Variants in SLC11A2 observed in about 807,000 individuals in gnomAD.
The protein encoded by SLC11A2 is solute carrier family 11 member 2.
Under a neutral mutation model 68.0 loss-of-function variants are expected in SLC11A2, and 38 were observed. The ratio of observed to expected loss-of-function variants is 0.56; its 90% CI spans 0.43 to 0.73. SLC11A2 has a LOEUF of 0.73. Ranked by LOEUF, SLC11A2 falls within the 30% of genes least tolerant of loss-of-function variation. The pLI, the probability that SLC11A2 is intolerant of heterozygous loss-of-function variation, is 0.00. For synonymous variants in SLC11A2, 242 were observed against 250.6 expected (o/e 0.97, Z 0.32); for missense variants, 517 against 690.5 (o/e 0.75, Z 2.82).
downstream of SLC11A2, among the ~76,000 whole-genome samples, chr12:50,975,437 A>C (rs1446860248): frequency 6.6e-6 from 1 of 152,200 alleles, no homozygotes; most frequent in African/African-American, 2.4e-5. Context: ...GTTCTTTGAA[A>C]CCAATGAGAA....
downstream of SLC11A2, chr12:50,981,598 A>T (rs773580150): frequency 4.4e-6 from 3 of 689,524 alleles, no homozygotes; most frequent in Non-Finnish European, 7.8e-6. Flanking sequence ...TCCCATGAGG[A>T]AATCTTTGCC....
In SLC11A2 at chr12:50,988,420, T is replaced by C. The variant is rs961100535; in HGVS notation, c.1591A>G (p.Ile531Val). 6.2e-7 allele frequency: 1 copy of C among 1,614,004 alleles called. No homozygotes were observed. ...TCCAGGAAGGACATGCCCAGTGCAATCAAACATTGCCAACCCTGAAAGACA... is the reference window on the plus strand; with the variant it reads ...TCCAGGAAGGACATGCCCAGTGCAACCAAACATTGCCAACCCTGAAAGACA... The part of the protein sequence containing the change: ...FVFYLGWQCL[I>V]ALGMSFLDCG... Residue 531 changes from isoleucine to valine, a missense_variant, in exon 16 of 16, where the codon ATT becomes GTT. Transcript: ENST00000262052.
rs886049566 is a variant in SLC11A2 at position 50,991,591 on chromosome 12, A to G, written c.1421+8T>C. 1 of 1,611,886 alleles carries G rather than the reference A, an allele frequency of 6.2e-7. No individual in the cohort carries two copies. The highest frequency in any genetic ancestry group is 8.5e-7 in the Non-Finnish European group (1 of 1,178,188). On this transcript the variant is annotated splice_region_variant and intron_variant, in intron 14 of 15. Transcript: ENST00000262052. ...ATCCCCTTTGGGAACGAAGAGGAGT[A>G]CACTCACAGTCCATTGGCAAAGTCA...
intron 1 of SLC11A2, among the ~76,000 whole-genome samples, chr12:51,018,770 CAAAT>C (rs928233294): frequency 6.6e-6 from 1 of 152,074 alleles, no homozygotes; most frequent in Non-Finnish European, 1.5e-5. Flanking sequence ...CTGTCATAAA[CAAAT>C]AAATAAATAA....
chr12:51,015,046 G>T (rs1269158626), intron 1 of SLC11A2, among the ~76,000 whole-genome samples: 1 of 151,574 alleles, frequency 6.6e-6, no homozygotes, highest in Non-Finnish European at 1.5e-5. Context: ...TGTAATCCCA[G>T]CTACTCGGAA....
chr12:50,987,535 A>C lies in SLC11A2; in HGVS notation c.*790T>G. The stretch of plus-strand genomic sequence containing the variant: ...GAAAGAAAGTTAAGGTTTTACAACC[A>C]CATGTGCTCAAGAGTAAATATCATC... On this transcript the variant is annotated 3_prime_UTR_variant, in exon 16 of 16. Coordinates refer to ENST00000262052, the MANE Select transcript of SLC11A2 (RefSeq NM_000617.3). 1 of 1,287,242 alleles carries C rather than the reference A, an allele frequency of 7.8e-7. No individual in the cohort carries two copies. The highest frequency in any genetic ancestry group is 1.0e-6 in the Non-Finnish European group (1 of 988,694). The allele number at this position is 1,287,242 out of a possible 1,614,324, so 79.7% of individuals were successfully genotyped here.
In SLC11A2 at chr12:50,987,280, A is replaced by C. The variant is rs750386714; in HGVS notation, c.*1045T>G. ...ACTTGCAGAGAACGCTGAGAAAGAC[A>C]GTGTGCTTTGCAACGGTTAAGTCCA... On this transcript the variant is annotated 3_prime_UTR_variant, in exon 16 of 16. Transcript: ENST00000262052. 7.8e-7 allele frequency: 1 copy of C among 1,287,226 alleles called. No homozygotes were observed. The highest frequency in any genetic ancestry group is 1.0e-6 in the Non-Finnish European group (1 of 988,688). The allele number at this position is 1,287,226 out of a possible 1,614,324, so 79.7% of individuals were successfully genotyped here. A position where few individuals can be genotyped will look rare whatever the true frequency, so the allele number is the denominator to read the frequency against.
At chr12:50,998,791 A>G (rs1471885987) in intron 8 of SLC11A2, among the ~76,000 whole-genome samples, 1 of 152,210 alleles carries the variant, frequency 6.6e-6, no homozygotes, top group Non-Finnish European at 1.5e-5. Flanking sequence ...TCAAGCTGCA[A>G]TTAATATAAA....
chr12:50,981,566 A>C (rs1592284245), downstream of SLC11A2: 1 of 614,042 alleles, frequency 1.6e-6, no homozygotes, highest in Non-Finnish European at 3.0e-6. Flanking sequence ...CTACATTTAT[A>C]GCTGTCAGTT....
chr12:51,006,007 A>C (rs1942690005), intron 3 of SLC11A2, among the ~76,000 whole-genome samples: 1 of 152,130 alleles, frequency 6.6e-6, no homozygotes, highest in Non-Finnish European at 1.5e-5. Flanking sequence ...TAAAACAGAG[A>C]TCTTGGCCAG....
intron 5 of SLC11A2, among the ~76,000 whole-genome samples, chr12:51,000,816 T>C (rs542450754): frequency 2.0e-5 from 3 of 152,280 alleles, no homozygotes; most frequent in Admixed American, 1.3e-4. Flanking sequence ...TATTAAATGA[T>C]TGCAGAAGAA....
intron 1 of SLC11A2, chr12:51,025,651 G>A (rs754172987): frequency 6.8e-6 from 4 of 590,734 alleles, no homozygotes; most frequent in African/African-American, 2.0e-5. Flanking sequence ...GCACAGCTGG[G>A]AGAGCCATCC....
intron 1 of SLC11A2, among the ~76,000 whole-genome samples, chr12:51,021,078 G>T (rs891157151): frequency 6.6e-6 from 1 of 152,162 alleles, no homozygotes; most frequent in Non-Finnish European, 1.5e-5. Flanking sequence ...ATGACAAAGC[G>T]AGACCCTGTC....
chr12:51,017,200 T>C (rs1315538607), intron 1 of SLC11A2, among the ~76,000 whole-genome samples: 3 of 151,848 alleles, frequency 2.0e-5, no homozygotes, highest in African/African-American at 7.3e-5. Flanking sequence ...TCCCACAGCA[T>C]TGTTTGTAGT....
rs1940569752 is a variant in SLC11A2 at position 50,986,512 on chromosome 12, T to C, written c.*1813A>G. 20 of 1,287,042 alleles carry C rather than the reference T, an allele frequency of 1.6e-5. 1 individual carries two copies. Among genetic ancestry groups the C allele is most frequent in the Non-Finnish European group, 1.8e-5 (18 of 988,566 alleles). 79.7% of individuals were successfully genotyped at this position (1,287,042 alleles called of 1,614,324 possible). On this transcript the variant is annotated 3_prime_UTR_variant, in exon 16 of 16. Coordinates refer to ENST00000262052, the MANE Select transcript of SLC11A2 (RefSeq NM_000617.3). Reference sequence around the variant, plus strand: ...TCCTAAATGCTTGTAAATCTGAGACTGACTGGACCCACCCAGACCCAGGGC... The same window carrying C: ...TCCTAAATGCTTGTAAATCTGAGACCGACTGGACCCACCCAGACCCAGGGC...
downstream of SLC11A2, among the ~76,000 whole-genome samples, chr12:50,978,667 A>C (rs1052096082): frequency 3.9e-5 from 6 of 152,148 alleles, no homozygotes; most frequent in African/African-American, 1.4e-4. Flanking sequence ...GTAAAATCAC[A>C]TTTGAAGAAA....
chr12:51,026,242 G>A (rs1008171056), intron 1 of SLC11A2, 68 bp downstream of exon 1: 23 of 1,212,964 alleles, frequency 1.9e-5, no homozygotes, highest in Non-Finnish European at 2.3e-5. Context: ...ACAGGCCCTC[G>A]AGCCGCCCCG....
At chr12:51,021,478 T>C (rs915039016) in intron 1 of SLC11A2, among the ~76,000 whole-genome samples, 4 of 151,918 alleles carry the variant, frequency 2.6e-5, no homozygotes, top group African/African-American at 9.7e-5. Context: ...ATACAATAAT[T>C]AGCCAGGCAG....
intron 1 of SLC11A2, chr12:51,024,410 G>T (rs528092106): frequency 6.6e-6 from 1 of 152,360 alleles, no homozygotes; most frequent in East Asian, 1.9e-4. Context: ...GCAGGGCGCG[G>T]TGGCTCACAC....
Sources: allele counts gnomAD v4.1 joint callset (sites outside exome capture counted in the v4.1 genomes callset), GRCh38; gene constraint gnomAD v4.1.1; transcripts MANE v1.5; gene names NCBI Gene and HGNC (gene_info 2026-07-23, HGNC 2026-07-21).